Variants in DNAJB4 observed in about 807,000 individuals in gnomAD.
DNAJB4 encodes the protein dnaJ homolog subfamily B member 4.
Under a neutral mutation model 26.6 loss-of-function variants are expected in DNAJB4, and 10 were observed. The observed-to-expected ratio is 0.38, with a 90% CI of 0.23 to 0.64. The LOEUF is 0.64. DNAJB4 is among the 30% of genes least tolerant of loss of function. The probability of loss-of-function intolerance (pLI) is 0.58; values close to 1 mark genes in which losing one functional copy is unlikely to be tolerated. For missense variants in DNAJB4, 328 were observed against 408.2 expected (o/e 0.80, Z 1.69); for synonymous variants, 136 against 134.8 (o/e 1.01, Z -0.06).
chr1:78,002,052 C>T (rs1341637467), upstream of DNAJB4, among the ~76,000 whole-genome samples: 1 of 152,176 alleles, frequency 6.6e-6, no homozygotes, highest in Non-Finnish European at 1.5e-5. Context: ...TAAGCTATAA[C>T]ATCATATAAG....
chr1:77,981,482 T>G (rs1455764138), intron 1 of DNAJB4, among the ~76,000 whole-genome samples: 1 of 152,088 alleles, frequency 6.6e-6, no homozygotes, highest in Non-Finnish European at 1.5e-5. Flanking sequence ...CCCAGCTGAT[T>G]TTTGTATTTT....
Position 78,013,281 on chromosome 1 carries a change from T to C in DNAJB4, c.442T>C (p.Ser148Pro), listed in dbSNP as rs752918690. The change falls in exon 2 of 3, where the codon TCT (serine) becomes CCT (proline). Residue 148 changes from serine to proline, a missense_variant. By Grantham distance (74) the Ser-to-Pro change is moderately conservative. Coordinates refer to ENST00000370763, the MANE Select transcript of DNAJB4 (RefSeq NM_007034.5). ...SMNGYPRDRN[S>P]VGPSRLKQDP... ...GAATGGATATCCAAGAGACAGGAAT[T>C]CTGTGGGGCCATCCCGCCTCAAACA... 3 of 1,614,072 alleles carry C rather than the reference T, an allele frequency of 1.9e-6. No homozygotes were observed. Among genetic ancestry groups the C allele is most frequent in the South Asian group, 1.1e-5 (1 of 91,050 alleles).
intron 1 of DNAJB4, among the ~76,000 whole-genome samples, chr1:77,995,134 C>T (rs1660030204): frequency 6.6e-6 from 1 of 151,926 alleles, no homozygotes; most frequent in African/African-American, 2.4e-5. Flanking sequence ...ATATTTAGTA[C>T]AAAAAATAAA....
intron 1 of DNAJB4, among the ~76,000 whole-genome samples, chr1:77,991,327 A>AT (rs1659926922): frequency 1.3e-5 from 2 of 152,152 alleles, no homozygotes; most frequent in Admixed American, 1.3e-4. Flanking sequence ...GATTCTCATT[A>AT]TTTGTCAGTT....
At chr1:77,985,567 A>G (rs952921501) in intron 1 of DNAJB4, among the ~76,000 whole-genome samples, 1 of 152,176 alleles carries the variant, frequency 6.6e-6, no homozygotes, top group Non-Finnish European at 1.5e-5. Flanking sequence ...TGTTAGTTTT[A>G]AAAAATTTAT....
chr1:77,988,364 G>T (rs1463388752), intron 1 of DNAJB4, among the ~76,000 whole-genome samples: 1 of 152,000 alleles, frequency 6.6e-6, no homozygotes, highest in African/African-American at 2.4e-5. Flanking sequence ...TCTTTCCCAC[G>T]CTGTTAAGAA....
At chr1:78,006,527 TG>T (rs1660333759) in intron 1 of DNAJB4, among the ~76,000 whole-genome samples, 1 of 152,228 alleles carries the variant, frequency 6.6e-6, no homozygotes, top group African/African-American at 2.4e-5. Context: ...TTATTTTGAA[TG>T]AAACAAATTA....
At chr1:78,001,685 A>G (rs1228003721), upstream of DNAJB4, among the ~76,000 whole-genome samples, 3 of 152,188 alleles carry the variant, frequency 2.0e-5, no homozygotes, top group Non-Finnish European at 4.4e-5. Flanking sequence ...CTTAATTTCC[A>G]TTTTTTAAAA....
chr1:77,989,364 A>G (rs1659880441), intron 1 of DNAJB4, among the ~76,000 whole-genome samples: 1 of 152,152 alleles, frequency 6.6e-6, no homozygotes, highest in South Asian at 2.1e-4. Context: ...TCTCTGGACT[A>G]TCTTAAAACC....
At chr1:77,987,472 C>G (rs1224541529) in intron 1 of DNAJB4, among the ~76,000 whole-genome samples, 1 of 152,176 alleles carries the variant, frequency 6.6e-6, no homozygotes, top group Admixed American at 6.5e-5. Context: ...GCTATGTTGC[C>G]TAGGCTGGTC....
chr1:78,004,516 A>G (rs1466667716), upstream of DNAJB4: 2 of 151,944 alleles, frequency 1.3e-5, no homozygotes, highest in African/African-American at 2.4e-5. Flanking sequence ...TTGGTATTAT[A>G]TACTTAACAG....
Position 78,005,143 on chromosome 1 carries a change from T to A in DNAJB4, c.33T>A (p.Ile11=). The A allele has an allele frequency of 6.2e-7, 1 of 1,613,980 alleles. No individual in the cohort carries two copies. The highest frequency in any genetic ancestry group is 1.3e-5 in the African/African-American group (1 of 75,010). MGKDYYCILG[I]EKGASDEDIK... ...AAGACTATTATTGCATTTTGGGAAT[T>A]GAGAAAGGAGCTTCAGATGAAGATA... The change falls in exon 1 of 3, where the codon ATT becomes ATA. Residue 11 remains isoleucine (I), a synonymous_variant. Transcript: ENST00000370763.
intron 1 of DNAJB4, among the ~76,000 whole-genome samples, chr1:78,009,067 GTTCTC>G (rs1398335002): frequency 2.0e-5 from 3 of 151,804 alleles, no homozygotes; most frequent in East Asian, 1.9e-4. Context: ...CTTTATACTA[GTTCTC>G]TTCTGTTCTT....
At chr1:77,988,874 A>G (rs1659864433) in intron 1 of DNAJB4, among the ~76,000 whole-genome samples, 1 of 152,232 alleles carries the variant, frequency 6.6e-6, no homozygotes, top group African/African-American at 2.4e-5. Context: ...GCACCTAGAA[A>G]GGTGCCTTGG....
At chr1:77,994,404 A>G (rs891256597) in intron 1 of DNAJB4, among the ~76,000 whole-genome samples, 1 of 151,976 alleles carries the variant, frequency 6.6e-6, no homozygotes, top group Non-Finnish European at 1.5e-5. Context: ...TCAAAAAAAA[A>G]AAAAAAAGAA....
At chr1:78,012,154 C>A in intron 1 of DNAJB4, among the ~76,000 whole-genome samples, 1 of 69,348 alleles carries the variant, frequency 1.4e-5, no homozygotes, top group Admixed American at 1.8e-4. Context: ...TTTTTCTTTT[C>A]TTTTCTTTTT....
In DNAJB4 at chr1:78,012,154, C is replaced by CTTTTTTTTTTTTTTTTTTTTTTTT. The variant is rs1324763074; in HGVS notation, c.212-893_212-892insTTTTTTTTTTTTTTTTTTTTTTTT. On this transcript the variant is annotated intron_variant, in intron 1 of 2. Transcript: ENST00000370763. Reference sequence around the variant, plus strand: ...CCCAGTTTTATTTTCTTTTTCTTTTCTTTTCTTTTTTTTTTTTTTTTTTTT... The same window carrying CTTTTTTTTTTTTTTTTTTTTTTTT: ...CCCAGTTTTATTTTCTTTTTCTTTTCTTTTTTTTTTTTTTTTTTTTTTTTTTTTCTTTTTTTTTTTTTTTTTTTT... Among the ~76,000 whole-genome samples, 64 of 69,352 alleles carry CTTTTTTTTTTTTTTTTTTTTTTTT rather than the reference C, an allele frequency of 9.2e-4. 3 individuals carry two copies. Among genetic ancestry groups the CTTTTTTTTTTTTTTTTTTTTTTTT allele is most frequent in the East Asian group, 2.0e-3 (4 of 2,018 alleles). The allele number at this position is 69,352 out of a possible 152,430, so 45.5% of individuals were successfully genotyped here. A position where few individuals can be genotyped will look rare whatever the true frequency, so the allele number is the denominator to read the frequency against.
At chr1:78,001,054 A>C (rs572342490), upstream of DNAJB4, among the ~76,000 whole-genome samples, 4 of 152,048 alleles carry the variant, frequency 2.6e-5, no homozygotes, top group Non-Finnish European at 5.9e-5. Flanking sequence ...CCAGGATCGA[A>C]ATTTCAAGTA....
At chr1:78,009,502 CAA>C (rs1488874894) in intron 1 of DNAJB4, among the ~76,000 whole-genome samples, 9 of 152,156 alleles carry the variant, frequency 5.9e-5, no homozygotes, top group Non-Finnish European at 8.8e-5. Flanking sequence ...TTTGATCACA[CAA>C]AGTGATGACG....
Sources: gnomAD v4.1 joint callset for allele counts (sites outside exome capture counted in the v4.1 genomes callset) on GRCh38, gnomAD v4.1.1 for gene constraint, MANE v1.5 for transcripts, NCBI Gene and HGNC (gene_info 2026-07-23, HGNC 2026-07-21) for gene names.